The following SGCZ variants were observed in gnomAD, a reference collection of about 807,000 sequenced individuals.
SGCZ encodes the protein sarcoglycan zeta.
A neutral mutation model predicts 41.3 loss-of-function variants in SGCZ; 40 were observed. That is an observed-to-expected ratio of 0.97 (90% CI 0.75 to 1.26). SGCZ has a LOEUF of 1.26. Among genes scored for constraint, SGCZ ranks in the 50% most tolerant of loss-of-function variants. The pLI, the probability that SGCZ is intolerant of heterozygous loss-of-function variation, is 0.00. For synonymous variants in SGCZ, 206 were observed against 137.5 expected (o/e 1.50, Z -3.49); for missense variants, 552 against 369.8 (o/e 1.49, Z -4.04).
At chr8:14,809,474 AT>A (rs1801673603) in intron 1 of SGCZ, among the ~76,000 whole-genome samples, 1 of 152,052 alleles carries the variant, frequency 6.6e-6, no homozygotes, top group South Asian at 2.1e-4. Context: ...TCCAGCAAGA[AT>A]TTTTTCGGCA....
At chr8:14,852,629 G>T (rs999932072) in intron 1 of SGCZ, among the ~76,000 whole-genome samples, 1 of 152,014 alleles carries the variant, frequency 6.6e-6, no homozygotes, top group Non-Finnish European at 1.5e-5. Flanking sequence ...TTCCCTGCAC[G>T]CCAGATGCCT....
rs114946897 is a variant in SGCZ, at chr8:15,115,375, T to A, written c.39+122210A>T. Among the ~76,000 whole-genome samples the A allele has an allele frequency of 6.2e-3, 952 of 152,348 alleles. 14 individuals carry two copies. Among genetic ancestry groups the A allele is most frequent in the African/African-American group, 0.022 (895 of 41,588 alleles). On this transcript the variant is annotated intron_variant, in intron 1 of 7. Transcript: ENST00000382080. ...CTACAAAGGAAGTGGAATCTTCCTA[T>A]GAGGACATGACTGTTGGAAAACTGG...
At chr8:15,155,745 A>G (rs1372473395) in intron 1 of SGCZ, among the ~76,000 whole-genome samples, 3 of 152,166 alleles carry the variant, frequency 2.0e-5, no homozygotes, top group Non-Finnish European at 4.4e-5. Flanking sequence ...TGCAGAAAAA[A>G]TGTATATAGC....
intron 4 of SGCZ, among the ~76,000 whole-genome samples, chr8:14,190,866 T>C (rs1805080030): frequency 6.6e-6 from 1 of 152,088 alleles, no homozygotes; most frequent in Non-Finnish European, 1.5e-5. Flanking sequence ...ACTCCCAAAG[T>C]GCTGGGATTA....
chr8:14,597,168 G>A (rs956649703), intron 1 of SGCZ, among the ~76,000 whole-genome samples: 5 of 152,122 alleles, frequency 3.3e-5, no homozygotes, highest in Non-Finnish European at 7.4e-5. Context: ...CAAAAAAGCT[G>A]CAATTGCCTT....
At chr8:15,067,996 A>G (rs10888103) in intron 1 of SGCZ, among the ~76,000 whole-genome samples, 72,062 of 152,108 alleles carry the variant, frequency 0.47, 19,877 homozygotes, top group Admixed American at 0.62. Context: ...GGCACAGAGT[A>G]CCATGCAAAA....
chr8:14,260,181 T>G (rs536165194), intron 3 of SGCZ, among the ~76,000 whole-genome samples: 1 of 152,148 alleles, frequency 6.6e-6, no homozygotes, highest in South Asian at 2.1e-4. Context: ...GGGAGAAAAT[T>G]TTCGCAACCT....
chr8:14,225,351 T>A (rs900494133), intron 4 of SGCZ, among the ~76,000 whole-genome samples: 3 of 152,092 alleles, frequency 2.0e-5, no homozygotes, highest in African/African-American at 7.2e-5. Context: ...CTGATTAGTT[T>A]TGTTAAACTT....
chr8:14,844,336 T>C (rs541966207), intron 1 of SGCZ, among the ~76,000 whole-genome samples: 5 of 152,278 alleles, frequency 3.3e-5, no homozygotes, highest in African/African-American at 1.2e-4. Flanking sequence ...CTAATTATTC[T>C]CTTGTCCCTT....
chr8:15,206,771 A>G (rs987632868), intron 1 of SGCZ, among the ~76,000 whole-genome samples: 1 of 149,714 alleles, frequency 6.7e-6, no homozygotes. Flanking sequence ...ATGAGCAACT[A>G]AAGAGATTTT....
chr8:14,307,755 C>A (rs933628253), intron 3 of SGCZ, among the ~76,000 whole-genome samples: 2 of 151,770 alleles, frequency 1.3e-5, no homozygotes, highest in African/African-American at 4.8e-5. Context: ...TAAAGACATA[C>A]AAACATATAG....
chr8:14,403,920 G>A (rs1799143445), intron 2 of SGCZ, among the ~76,000 whole-genome samples: 1 of 152,092 alleles, frequency 6.6e-6, no homozygotes, highest in African/African-American at 2.4e-5. Context: ...GGTTTCAACT[G>A]GGAGAAATAT....
intron 1 of SGCZ, among the ~76,000 whole-genome samples, chr8:14,806,763 G>A (rs1563282991): frequency 6.6e-6 from 1 of 152,052 alleles, no homozygotes. Flanking sequence ...CCAAAGCCTG[G>A]CAGAGACACA....
intron 3 of SGCZ, among the ~76,000 whole-genome samples, chr8:14,312,126 C>T (rs1366047700): frequency 2.0e-5 from 3 of 152,038 alleles, no homozygotes; most frequent in Non-Finnish European, 4.4e-5. Flanking sequence ...TTGGTTGCAA[C>T]AATTCTTTAT....
chr8:14,470,363 C>T (rs868477236), intron 2 of SGCZ, among the ~76,000 whole-genome samples: 2 of 151,962 alleles, frequency 1.3e-5, no homozygotes, highest in African/African-American at 2.4e-5. Context: ...GCACTTAATA[C>T]GTGTAGTAAG....
At chr8:14,571,003 T>C (rs559815280) in intron 1 of SGCZ, among the ~76,000 whole-genome samples, 1 of 152,326 alleles carries the variant, frequency 6.6e-6, no homozygotes, top group African/African-American at 2.4e-5. Flanking sequence ...GTCATTACCT[T>C]GACAGGTGTA....
chr8:14,821,359 C>G (rs1259680115), intron 1 of SGCZ, among the ~76,000 whole-genome samples: 1 of 151,998 alleles, frequency 6.6e-6, no homozygotes, highest in Non-Finnish European at 1.5e-5. Flanking sequence ...CCAGGAACAT[C>G]TGTTGGTTTT....
rs375446294 is a variant in SGCZ, at chr8:14,432,544, G to A, written c.235-108340C>T. Among the ~76,000 whole-genome samples, 26 of 152,192 alleles carry A rather than the reference G, an allele frequency of 1.7e-4. No individual in the cohort carries two copies. In the South Asian group the frequency reaches 5.2e-3, roughly 30 times the overall value. ...GACTCAGGGTAAAGGGTGAGAAGGGGGTGAGGGATACTGCAAATTGAGTGC... is the reference window on the plus strand; with the variant it reads ...GACTCAGGGTAAAGGGTGAGAAGGGAGTGAGGGATACTGCAAATTGAGTGC... On this transcript the variant is annotated intron_variant, in intron 2 of 7. Coordinates refer to ENST00000382080, the MANE Select transcript of SGCZ (RefSeq NM_139167.4).
chr8:14,551,225 C>T (rs983180861), intron 2 of SGCZ, among the ~76,000 whole-genome samples: 4 of 145,880 alleles, frequency 2.7e-5, no homozygotes, highest in Non-Finnish European at 6.0e-5. Flanking sequence ...TAACAATCTT[C>T]AATTATCAAA....
Sources: allele counts gnomAD v4.1 joint callset (sites outside exome capture counted in the v4.1 genomes callset), GRCh38; gene constraint gnomAD v4.1.1; transcripts MANE v1.5; gene names NCBI Gene and HGNC (gene_info 2026-07-23, HGNC 2026-07-21).